Variants in LUC7L observed in about 807,000 individuals in gnomAD.
LUC7L encodes putative RNA-binding protein Luc7-like 1.
In LUC7L, 29 loss-of-function variants were observed where a neutral mutation model predicts 51.1. That is an observed-to-expected ratio of 0.57 (90% confidence interval 0.42 to 0.77). The LOEUF is 0.77. Ranked by LOEUF, LUC7L falls within the 30% of genes least tolerant of loss-of-function variation. LUC7L has a pLI of 0.00. For missense variants in LUC7L, 403 were observed against 511.9 expected, an observed-to-expected ratio of 0.79 and a Z score of 2.05; for synonymous variants, 181 against 180.7, an observed-to-expected ratio of 1.00 and a Z score of -0.01.
chr16:190,221 C>A, intron 8 of LUC7L, 86 bp from the exon 9 acceptor site: 1 of 1,191,760 alleles, frequency 8.4e-7, no homozygotes. Context: ...CTGCTTGCTG[C>A]TTTACTGACA....
rs1181622895 is a variant in LUC7L, at chr16:197,237, G to A, written c.687+1825C>T. ...TTTTTTTTTTTTTTTTTTTTGAGACGGAGTCTTGCTCTGTCTCGTAGGCTG... is the reference window on the plus strand; with the variant it reads ...TTTTTTTTTTTTTTTTTTTTGAGACAGAGTCTTGCTCTGTCTCGTAGGCTG... On this transcript the variant is annotated intron_variant, in intron 6 of 9. Coordinates refer to ENST00000293872, the MANE Select transcript of LUC7L (RefSeq NM_201412.3). Among the ~76,000 whole-genome samples, 29 of 118,112 alleles carry A rather than the reference G, an allele frequency of 2.5e-4. No homozygotes were observed. The South Asian group carries it at 3.8e-3, about 16-fold the overall frequency. The allele number at this position is 118,112 out of a possible 152,430, so 77.5% of individuals were successfully genotyped here.
intron 3 of LUC7L, among the ~76,000 whole-genome samples, chr16:213,331 T>C (rs1231325489): frequency 1.3e-5 from 2 of 151,978 alleles, no homozygotes; most frequent in African/African-American, 2.4e-5. Context: ...TGGGTAGAAA[T>C]GTGCCAGGAG....
In LUC7L at chr16:190,543, C is replaced by T. The variant is rs1384225257; in HGVS notation, c.804G>A (p.Arg268=). Residue 268 remains arginine (R), a splice_region_variant and synonymous_variant, in exon 8 of 10, where the codon AGG becomes AGA. Transcript: ENST00000293872. The part of the protein sequence containing the change: ...RRSGSRTRDR[R]RSRSRDRRRR... Reference sequence around the variant, plus strand: ...TTTTAATGGACCTGGAAACCTACCTCCTGCGATCTCTGGTTCTTGATCCCG... The same window carrying T: ...TTTTAATGGACCTGGAAACCTACCTTCTGCGATCTCTGGTTCTTGATCCCG... 3 of 1,613,656 alleles carry T rather than the reference C, an allele frequency of 1.9e-6. No individual in the cohort carries two copies. The highest frequency in any genetic ancestry group is 8.5e-7 in the Non-Finnish European group (1 of 1,179,994).
At chr16:223,393 C>T (rs1339396570) in intron 2 of LUC7L, among the ~76,000 whole-genome samples, 1 of 151,930 alleles carries the variant, frequency 6.6e-6, no homozygotes, top group Non-Finnish European at 1.5e-5. Flanking sequence ...AAAGAAAGCA[C>T]GTGGCATACT....
intron 3 of LUC7L, among the ~76,000 whole-genome samples, chr16:213,577 G>A (rs1331973629): frequency 6.6e-6 from 1 of 151,758 alleles, no homozygotes; most frequent in African/African-American, 2.4e-5. Flanking sequence ...TTTTATTTCT[G>A]TATTTTTATT....
At chr16:216,065 G>A (rs1374226725) in intron 3 of LUC7L, among the ~76,000 whole-genome samples, 3 of 151,910 alleles carry the variant, frequency 2.0e-5, no homozygotes, top group Admixed American at 6.6e-5. Flanking sequence ...GCAATGGCAC[G>A]ATCTTGGCTC....
intron 2 of LUC7L, among the ~76,000 whole-genome samples, chr16:222,776 AT>A (rs1209992165): frequency 6.6e-6 from 1 of 151,300 alleles, no homozygotes; most frequent in East Asian, 2.0e-4. Flanking sequence ...AATTACAGAC[AT>A]GTGCCACCAC....
chr16:217,313 G>A (rs990526135), intron 3 of LUC7L, among the ~76,000 whole-genome samples: 5 of 152,008 alleles, frequency 3.3e-5, no homozygotes, highest in African/African-American at 9.6e-5. Context: ...CACTGCACAC[G>A]GTCCAGGAAT....
chr16:214,807 T>C (rs2049742277), intron 3 of LUC7L, among the ~76,000 whole-genome samples: 1 of 152,162 alleles, frequency 6.6e-6, no homozygotes, highest in Non-Finnish European at 1.5e-5. Context: ...ATTACAGGCA[T>C]GGACCACTAC....
chr16:222,751 C>T (rs1305145578), intron 2 of LUC7L, among the ~76,000 whole-genome samples: 2 of 151,478 alleles, frequency 1.3e-5, no homozygotes, highest in African/African-American at 2.4e-5. Context: ...CTGCCTCAGC[C>T]TCCCAAGGAG....
At chr16:190,394 C>A in intron 8 of LUC7L, 147 bp downstream of exon 8, 1 of 879,920 alleles carries the variant, frequency 1.1e-6, no homozygotes, top group Middle Eastern at 2.2e-4. Flanking sequence ...GAACCCTCCA[C>A]GGCACCAAGC....
chr16:214,794 T>A (rs72763698), intron 3 of LUC7L, among the ~76,000 whole-genome samples: 6,900 of 152,280 alleles, frequency 0.045, 221 homozygotes, highest in Non-Finnish European at 0.068. Context: ...CCAAAGCTCT[T>A]GGATTACAGG....
intron 2 of LUC7L, among the ~76,000 whole-genome samples, chr16:222,068 T>G (rs968162354): frequency 1.3e-5 from 2 of 152,172 alleles, no homozygotes; most frequent in South Asian, 2.1e-4. Flanking sequence ...ACAAAATGAT[T>G]TATGTTGTCA....
At chr16:220,493 C>G in intron 3 of LUC7L, 156 bp downstream of exon 3, 1 of 627,250 alleles carries the variant, frequency 1.6e-6, no homozygotes, top group Non-Finnish European at 2.8e-6. Flanking sequence ...AACATATAAA[C>G]AGTACTGGCT....
intron 5 of LUC7L, among the ~76,000 whole-genome samples, chr16:201,108 G>A (rs1056720775): frequency 2.0e-5 from 3 of 147,692 alleles, no homozygotes; most frequent in African/African-American, 7.5e-5. Flanking sequence ...GTCAGAGGAT[G>A]CAGTGAGCCG....
chr16:194,904 C>G (rs1425233400), intron 6 of LUC7L, among the ~76,000 whole-genome samples: 1 of 152,138 alleles, frequency 6.6e-6, no homozygotes, highest in African/African-American at 2.4e-5. Context: ...TGAGTGGGAG[C>G]AAGTCAGAGC....
chr16:200,318 G>A (rs1596616377), intron 5 of LUC7L, among the ~76,000 whole-genome samples: 1 of 152,026 alleles, frequency 6.6e-6, no homozygotes, highest in Non-Finnish European at 1.5e-5. Context: ...CAGCTACTCA[G>A]GAGGCTGAGG....
chr16:226,550 G>A (rs7197253), intron 2 of LUC7L, among the ~76,000 whole-genome samples: 7,631 of 152,228 alleles, frequency 0.05, 244 homozygotes, highest in Non-Finnish European at 0.068. Flanking sequence ...TCTTGAAGGG[G>A]TGGCACAACA....
Position 208,196 on chromosome 16 carries a change from G to A in LUC7L, c.256-8C>T, listed in dbSNP as rs748834885. On this transcript the variant is annotated splice_polypyrimidine_tract_variant and splice_region_variant and intron_variant, in intron 3 of 9. Coordinates refer to ENST00000293872, the MANE Select transcript of LUC7L (RefSeq NM_201412.3). The stretch of plus-strand genomic sequence containing the variant: ...CTCCAAGTGATCCATTGCCTAGCAC[G>A]GGAAAAGCACAGCGCTATAATCAAT... 57 of 1,587,318 alleles carry A rather than the reference G, an allele frequency of 3.6e-5. No individual in the cohort carries two copies. The Middle Eastern group carries it at 5.0e-4, about 14-fold the overall frequency.
Sources: gnomAD v4.1 joint callset for allele counts (sites outside exome capture counted in the v4.1 genomes callset) on GRCh38, gnomAD v4.1.1 for gene constraint, MANE v1.5 for transcripts, NCBI Gene and HGNC (gene_info 2026-07-23, HGNC 2026-07-21) for gene names.